The following GOLIM4 variants were observed in gnomAD, a reference collection of about 807,000 sequenced individuals.
GOLIM4 encodes the protein 130 kDa golgi-localized phosphoprotein.
A neutral mutation model predicts 107.4 loss-of-function variants in GOLIM4; 71 were observed. The ratio of observed to expected loss-of-function variants is 0.66; its 90% CI spans 0.55 to 0.81. GOLIM4 has a LOEUF of 0.81. Ranked by LOEUF, GOLIM4 falls within the 30% of genes least tolerant of loss-of-function variation. GOLIM4 has a pLI of 0.00. For synonymous variants in GOLIM4, 327 were observed against 294.8 expected (o/e 1.11, Z -1.12); for missense variants, 830 against 826.1 (o/e 1.00, Z -0.06).
intron 13 of GOLIM4, 94 bp from the exon 14 acceptor site, chr3:168,024,688 A>C: frequency 9.4e-7 from 1 of 1,064,378 alleles, no homozygotes; most frequent in Non-Finnish European, 1.5e-6. Context: ...GCCACCATGA[A>C]AAGGGCACTT....
Position 168,050,107 on chromosome 3 carries a change from C to A in GOLIM4, c.188-1742G>T, listed in dbSNP as rs144229288. Among the ~76,000 whole-genome samples, 31 of 152,196 alleles carry A rather than the reference C, an allele frequency of 2.0e-4. No homozygotes were observed. In the East Asian group the frequency reaches 6.0e-3, roughly 29 times the overall value. On this transcript the variant is annotated intron_variant, in intron 1 of 15. Transcript: ENST00000470487. ...CCTTCCTCTACCAGGGTTCCTTTTC[C>A]ATTCACCAGATGATCCTTTCCCCCT...
intron 7 of GOLIM4, among the ~76,000 whole-genome samples, chr3:168,038,761 A>C (rs576892221): frequency 1.3e-4 from 20 of 152,204 alleles, no homozygotes; most frequent in Non-Finnish European, 2.6e-4. Context: ...GAAAGTCTTA[A>C]TACAGTATTA....
rs780228616 is a variant in GOLIM4 at position 168,024,483 on chromosome 3, G to T, written c.1860+43C>A. 3 of 1,307,406 alleles carry T rather than the reference G, an allele frequency of 2.3e-6. No individual in the cohort carries two copies. In the South Asian group the frequency reaches 3.5e-5, roughly 15 times the overall value. The allele number at this position is 1,307,406 out of a possible 1,614,324, so 81.0% of individuals were successfully genotyped here. ...AGGTTTGTTTAAGGTTAGTGTGTGT[G>T]ACAGACCAATCTGATCAGTCTCTGG... is the stretch of plus-strand genomic sequence containing the variant. On this transcript the variant is annotated intron_variant, in intron 14 of 15. Transcript: ENST00000470487.
At chr3:168,052,388 TCA>T (rs892164076) in intron 1 of GOLIM4, among the ~76,000 whole-genome samples, 7 of 151,214 alleles carry the variant, frequency 4.6e-5, no homozygotes, top group Non-Finnish European at 4.4e-5. Context: ...ACACACTCTC[TCA>T]CACACACACT....
chr3:168,088,758 A>G (rs1319504667), intron 1 of GOLIM4, among the ~76,000 whole-genome samples: 3 of 152,144 alleles, frequency 2.0e-5, no homozygotes, highest in Non-Finnish European at 4.4e-5. Context: ...TTCACACCAT[A>G]TTTAGTCAGT....
intron 1 of GOLIM4, among the ~76,000 whole-genome samples, chr3:168,069,763 A>T (rs1720744198): frequency 8.8e-6 from 1 of 113,666 alleles, no homozygotes; most frequent in Non-Finnish European, 1.9e-5. Context: ...CATAAGAGAA[A>T]TAAAAATGCC....
intron 1 of GOLIM4, among the ~76,000 whole-genome samples, chr3:168,079,021 C>T (rs1721208427): frequency 6.6e-6 from 1 of 152,076 alleles, no homozygotes; most frequent in African/African-American, 2.4e-5. Context: ...TATTAAGTAA[C>T]ACTAGGAAAG....
chr3:168,061,297 C>G (rs867101042), intron 1 of GOLIM4, among the ~76,000 whole-genome samples: 5 of 152,044 alleles, frequency 3.3e-5, no homozygotes, highest in Non-Finnish European at 5.9e-5. Flanking sequence ...ATCAAAACAG[C>G]TAATATAGAA....
chr3:168,036,261 C>T (rs1365132328), intron 8 of GOLIM4, among the ~76,000 whole-genome samples: 1 of 152,246 alleles, frequency 6.6e-6, no homozygotes, highest in African/African-American at 2.4e-5. Context: ...CTAGCAGCGG[C>T]CAGGTGTGGT....
intron 1 of GOLIM4, among the ~76,000 whole-genome samples, chr3:168,059,938 C>T (rs1720167615): frequency 6.6e-6 from 1 of 152,076 alleles, no homozygotes; most frequent in Admixed American, 6.5e-5. Context: ...AGTGCAAGCA[C>T]ACTGGGATGT....
intron 1 of GOLIM4, among the ~76,000 whole-genome samples, chr3:168,083,165 T>C (rs1252640341): frequency 3.9e-5 from 6 of 152,180 alleles, no homozygotes; most frequent in Non-Finnish European, 1.5e-5. Context: ...AGAATACTCA[T>C]ATATTGCAAT....
intron 14 of GOLIM4, among the ~76,000 whole-genome samples, chr3:168,016,108 T>G (rs1270961767): frequency 1.5e-5 from 2 of 134,528 alleles, no homozygotes; most frequent in Non-Finnish European, 3.0e-5. Context: ...ACAGGAAACC[T>G]ACAAAATGGG....
At chr3:168,056,184 T>C (rs1042020432) in intron 1 of GOLIM4, among the ~76,000 whole-genome samples, 2 of 152,226 alleles carry the variant, frequency 1.3e-5, no homozygotes, top group African/African-American at 4.8e-5. Context: ...GGCACCAACA[T>C]AGAGCTTGGG....
chr3:168,079,019 AAC>A (rs1467347014), intron 1 of GOLIM4, among the ~76,000 whole-genome samples: 2 of 152,226 alleles, frequency 1.3e-5, no homozygotes, highest in Non-Finnish European at 2.9e-5. Context: ...GATATTAAGT[AAC>A]ACTAGGAAAG....
At chr3:168,046,021 A>G (rs373797976) in intron 3 of GOLIM4, among the ~76,000 whole-genome samples, 17 of 152,126 alleles carry the variant, frequency 1.1e-4, no homozygotes, top group African/African-American at 4.1e-4. Flanking sequence ...CTGGGAATAG[A>G]GGCATGTGTA....
chr3:168,045,885 T>G (rs1019090182), intron 3 of GOLIM4, among the ~76,000 whole-genome samples: 9 of 152,130 alleles, frequency 5.9e-5, no homozygotes, highest in African/African-American at 2.2e-4. Flanking sequence ...GTGACTCTTC[T>G]CAGTTTTTTT....
chr3:168,043,317 C>T, intron 5 of GOLIM4, 62 bp downstream of exon 5: 1 of 1,135,594 alleles, frequency 8.8e-7, no homozygotes, highest in Non-Finnish European at 1.3e-6. Context: ...TCTACAGTTG[C>T]ACTGAAACAT....
intron 14 of GOLIM4, among the ~76,000 whole-genome samples, chr3:168,023,965 C>A (rs1717851803): frequency 6.6e-6 from 1 of 152,184 alleles, no homozygotes; most frequent in Admixed American, 6.5e-5. Context: ...TATCCAAATG[C>A]ATTTTATTCA....
At position 168,009,851 on chromosome 3, in the gene GOLIM4, T is replaced by C. The variant is rs1392572601; in HGVS notation, c.*418A>G. 1 of 155,676 alleles carries C rather than the reference T, an allele frequency of 6.4e-6. No homozygotes were observed. Among genetic ancestry groups the C allele is most frequent in the Non-Finnish European group, 1.4e-5 (1 of 70,670 alleles). The allele number at this position is 155,676 out of a possible 1,614,324, so 9.6% of individuals were successfully genotyped here. On this transcript the variant is annotated 3_prime_UTR_variant, in exon 16 of 16. Coordinates refer to ENST00000470487, the MANE Select transcript of GOLIM4 (RefSeq NM_014498.5). ...AGCAATTAGTAAACAGGCCATTCTC[T>C]TTAAAGTCTGCATGGCATTTTGCAG...
Sources: allele counts gnomAD v4.1 joint callset (sites outside exome capture counted in the v4.1 genomes callset), GRCh38; gene constraint gnomAD v4.1.1; transcripts MANE v1.5; gene names NCBI Gene and HGNC (gene_info 2026-07-23, HGNC 2026-07-21).